GABRA3: variants seen among roughly 807,000 people sequenced by gnomAD.
The protein encoded by GABRA3 is gamma-aminobutyric acid type A receptor subunit alpha3, also known as gamma-aminobutyric acid receptor subunit alpha-3.
In GABRA3, 10 loss-of-function variants were observed where a neutral mutation model predicts 30.1. The ratio of observed to expected loss-of-function variants is 0.33; its 90% CI spans 0.20 to 0.56. The LOEUF (loss-of-function observed/expected upper bound fraction) is 0.56. Among genes scored for constraint, GABRA3 ranks in the 20% least tolerant of loss-of-function variants. The pLI is 0.89. For synonymous variants in GABRA3, 151 were observed against 146.8 expected (o/e 1.03, Z -0.21); for missense variants, 233 against 392.0 (o/e 0.59, Z 3.42).
chrX:152,326,245 G>C (rs932112807), intron 3 of GABRA3, among the ~76,000 whole-genome samples: 5 of 111,880 alleles, frequency 4.5e-5, no homozygotes, highest in Non-Finnish European at 9.4e-5. Context: ...ACCTGAAAGT[G>C]ATGGGGAGAA....
intron 5 of GABRA3, among the ~76,000 whole-genome samples, chrX:152,228,263 T>A (rs1193445010): frequency 8.9e-6 from 1 of 112,041 alleles, no homozygotes; most frequent in Non-Finnish European, 1.9e-5. Flanking sequence ...TAAGAACTAA[T>A]GAAAAGAGCA....
chrX:152,223,718 A>G (rs1937885295), intron 6 of GABRA3, among the ~76,000 whole-genome samples: 1 of 109,325 alleles, frequency 9.1e-6, no homozygotes, highest in South Asian at 4.0e-4. Flanking sequence ...GTTCCTTTTA[A>G]ATAATTAGGG....
chrX:152,411,248 G>C (rs1368413429), intron 1 of GABRA3, among the ~76,000 whole-genome samples: 1 of 111,401 alleles, frequency 9.0e-6, no homozygotes, highest in Non-Finnish European at 1.9e-5. Context: ...CTAGCAGATG[G>C]AGGCTGCAGT....
At chrX:152,251,419 C>T (rs921367744) in intron 5 of GABRA3, among the ~76,000 whole-genome samples, 4 of 110,060 alleles carry the variant, frequency 3.6e-5, no homozygotes, top group Admixed American at 9.7e-5. Context: ...TTCTCTATCC[C>T]TCCTCCAAAA....
chrX:152,240,106 T>C (rs1938327202), intron 5 of GABRA3, among the ~76,000 whole-genome samples: 1 of 100,187 alleles, frequency 1.0e-5, no homozygotes, highest in Non-Finnish European at 1.9e-5. Context: ...TCTTTACATT[T>C]TGGCATGATT....
intron 1 of GABRA3, among the ~76,000 whole-genome samples, chrX:152,405,671 C>T (rs1408926739): frequency 1.8e-5 from 2 of 111,575 alleles, no homozygotes; most frequent in Non-Finnish European, 3.8e-5. Context: ...CCTGAGGCGC[C>T]TAATTCCTGG....
intron 1 of GABRA3, among the ~76,000 whole-genome samples, chrX:152,374,580 G>A (rs1259108005): frequency 1.8e-5 from 2 of 110,867 alleles, no homozygotes; most frequent in Non-Finnish European, 3.8e-5. Flanking sequence ...TCGATCTCCT[G>A]ACCTCGTGAT....
At chrX:152,206,344 G>C (rs911117520) in intron 7 of GABRA3, among the ~76,000 whole-genome samples, 1 of 112,106 alleles carries the variant, frequency 8.9e-6, no homozygotes, top group African/African-American at 3.2e-5. Context: ...TGGCATTGGT[G>C]GTGGCACCTC....
chrX:152,280,930 A>C (rs1939188246), intron 4 of GABRA3, among the ~76,000 whole-genome samples: 1 of 110,666 alleles, frequency 9.0e-6, no homozygotes, highest in African/African-American at 3.3e-5. Context: ...TTTTCTCATT[A>C]GTTTTCTTGG....
chrX:152,249,672 C>T (rs1006263283), intron 5 of GABRA3, among the ~76,000 whole-genome samples: 2 of 110,565 alleles, frequency 1.8e-5, no homozygotes, highest in African/African-American at 3.3e-5. Flanking sequence ...GTATAAGCCC[C>T]TCTCCCCACC....
chrX:152,401,603 A>C (rs984024792), intron 1 of GABRA3, among the ~76,000 whole-genome samples: 1 of 111,736 alleles, frequency 8.9e-6, no homozygotes, highest in African/African-American at 3.3e-5. Flanking sequence ...TCTTGGTCAA[A>C]TGATATTTCC....
chrX:152,235,361 G>C (rs1213029533), intron 5 of GABRA3, among the ~76,000 whole-genome samples: 1 of 111,141 alleles, frequency 9.0e-6, no homozygotes, highest in Non-Finnish European at 1.9e-5. Flanking sequence ...TCTTTTGGTA[G>C]AGTCTCTGGG....
chrX:152,168,346 T>C lies in GABRA3; in HGVS notation c.1361A>G (p.Lys454Arg), dbSNP rs777060546. ...TETKTYNSVS[K>R]VDKISRIIFP... ...GATGATGCGGGAAATTTTGTCAACC[T>C]TGCTGACACTGTTGTAGGTCTTGGT... Residue 454 changes from lysine to arginine, a missense_variant, in exon 10 of 10, where the codon AAG (lysine) becomes AGG (arginine). Transcript: ENST00000370314. 1 of 1,209,838 alleles carries C rather than the reference T, an allele frequency of 8.3e-7. No homozygotes were observed. Among genetic ancestry groups the C allele is most frequent in the East Asian group, 3.0e-5 (1 of 33,755 alleles).
chrX:152,265,883 A>G (rs1170037716), intron 4 of GABRA3, among the ~76,000 whole-genome samples: 1 of 111,602 alleles, frequency 9.0e-6, no homozygotes, highest in African/African-American at 3.2e-5. Flanking sequence ...TGGAAAATCT[A>G]GAAGAAATTG....
intron 1 of GABRA3, among the ~76,000 whole-genome samples, chrX:152,448,753 T>C (rs962543966): frequency 8.9e-6 from 1 of 111,968 alleles, no homozygotes; most frequent in African/African-American, 3.2e-5. Flanking sequence ...TTTCATAATT[T>C]TCTTTATGAA....
intron 7 of GABRA3, among the ~76,000 whole-genome samples, chrX:152,199,765 A>T (rs1285544276): frequency 1.8e-5 from 2 of 109,997 alleles, no homozygotes; most frequent in African/African-American, 6.6e-5. Context: ...CTTTCCACTG[A>T]CTTCTCAACC....
intron 7 of GABRA3, among the ~76,000 whole-genome samples, chrX:152,199,318 G>A (rs35124124): frequency 0.28 from 28,003 of 100,175 alleles, 4,962 homozygotes; most frequent in Non-Finnish European, 0.42. Context: ...GTGAGCCAAG[G>A]TCGTGCCACT....
At chrX:152,449,246 G>A (rs1243028936) in intron 1 of GABRA3, among the ~76,000 whole-genome samples, 1 of 112,248 alleles carries the variant, frequency 8.9e-6, no homozygotes, top group African/African-American at 3.2e-5. Context: ...GACAATCAGA[G>A]TTGCTCCATG....
intron 7 of GABRA3, among the ~76,000 whole-genome samples, chrX:152,199,178 A>T (rs1382315771): frequency 9.1e-6 from 1 of 109,881 alleles, no homozygotes; most frequent in Admixed American, 9.7e-5. Context: ...CATCCTGGCT[A>T]ACATGGTGAA....
Sources: allele counts gnomAD v4.1 joint callset (sites outside exome capture counted in the v4.1 genomes callset), GRCh38; gene constraint gnomAD v4.1.1; transcripts MANE v1.5; gene names NCBI Gene and HGNC (gene_info 2026-07-23, HGNC 2026-07-21).